The following SCARA3 variants were observed in gnomAD, a reference collection of about 807,000 sequenced individuals.
SCARA3 encodes scavenger receptor class A member 3.
Under a neutral mutation model 47.0 loss-of-function variants are expected in SCARA3, and 39 were observed. The observed-to-expected ratio is 0.83, with a 90% CI of 0.64 to 1.08. SCARA3 has a LOEUF of 1.08. Ranked by LOEUF, SCARA3 falls within the 50% of genes least tolerant of loss-of-function variation. The pLI, the probability that SCARA3 is intolerant of heterozygous loss-of-function variation, is 0.00. For missense variants in SCARA3, 724 were observed against 792.3 expected (o/e 0.91, Z 1.04); for synonymous variants, 356 against 334.1 (o/e 1.07, Z -0.71).
rs752930009 is a variant in SCARA3, at chr8:27,656,799, T to C, written c.244T>C (p.Ser82Pro). The C allele has an allele frequency of 6.2e-7, 1 of 1,611,080 alleles. No homozygotes were observed. The highest frequency in any genetic ancestry group is 8.5e-7 in the Non-Finnish European group (1 of 1,177,196). Residue 82 changes from serine (S) to proline (P), a missense_variant, in exon 4 of 6, where the codon TCT (serine) becomes CCT (proline). Coordinates refer to ENST00000301904, the MANE Select transcript of SCARA3 (RefSeq NM_016240.3). ...CCCTACAGTTTTCAGAAAAGTGGAC[T>C]CTCTCTCCGAAGACATCTCCTTGAC... is the stretch of plus-strand genomic sequence containing the variant. ...LASLVFRKVD[S>P]LSEDISLTQS...
rs1802156223 is a variant in SCARA3 at position 27,671,510 on chromosome 8, C to T, written c.*159C>T. ...GCAGCTTTGGGCTCCCCCATAGTGA[C>T]TGTGCCATAGGAAAGCAGCCCCTCC... On this transcript the variant is annotated 3_prime_UTR_variant, in exon 6 of 6. Transcript: ENST00000301904. The T allele has an allele frequency of 1.5e-6, 2 of 1,291,582 alleles. No individual in the cohort carries two copies. Among genetic ancestry groups the T allele is most frequent in the Non-Finnish European group, 9.8e-7 (1 of 1,025,060 alleles). 80.0% of individuals were successfully genotyped at this position (1,291,582 alleles called of 1,614,324 possible).
chr8:27,652,864 A>G (rs2128918985), intron 3 of SCARA3, among the ~76,000 whole-genome samples: 1 of 152,290 alleles, frequency 6.6e-6, no homozygotes, highest in South Asian at 2.1e-4. Flanking sequence ...CAGATGAATT[A>G]AATCATCATC....
chr8:27,727,915 G>C, the SCARA3 span, among the ~76,000 whole-genome samples: 2 of 152,154 alleles, frequency 1.3e-5, no homozygotes, highest in African/African-American at 2.4e-5. Context: ...GGGAATCCAC[G>C]GGCCCAGGAA....
intron 1 of SCARA3, among the ~76,000 whole-genome samples, chr8:27,643,195 G>A (rs1200902361): frequency 5.9e-5 from 9 of 152,186 alleles, no homozygotes; most frequent in African/African-American, 1.9e-4. Flanking sequence ...AAAAGTTGAG[G>A]GCAAGAAAGT....
the SCARA3 span, among the ~76,000 whole-genome samples, chr8:27,732,437 T>C: frequency 6.6e-6 from 1 of 152,186 alleles, no homozygotes; most frequent in East Asian, 1.9e-4. Flanking sequence ...ACCGCTAAGG[T>C]AGAAAGCTCA....
the SCARA3 span, among the ~76,000 whole-genome samples, chr8:27,725,371 A>ATTT: frequency 6.7e-6 from 1 of 149,664 alleles, no homozygotes; most frequent in East Asian, 1.9e-4. Flanking sequence ...TATAACATAT[A>ATTT]ATATTTATAT....
At chr8:27,681,632 G>C (rs1035270329), downstream of SCARA3, among the ~76,000 whole-genome samples, 1 of 152,084 alleles carries the variant, frequency 6.6e-6, no homozygotes, top group Non-Finnish European at 1.5e-5. Flanking sequence ...TGAGACAAGA[G>C]GATTGCTTGA....
At chr8:27,673,318 T>C (rs1415696052), downstream of SCARA3, among the ~76,000 whole-genome samples, 2 of 152,216 alleles carry the variant, frequency 1.3e-5, no homozygotes, top group Admixed American at 6.5e-5. Context: ...GGCCTGGACA[T>C]GTGAGTGATA....
chr8:27,653,382 A>G (rs1472360368), intron 3 of SCARA3, among the ~76,000 whole-genome samples: 1 of 152,200 alleles, frequency 6.6e-6, no homozygotes, highest in Non-Finnish European at 1.5e-5. Context: ...GAGTGAATGG[A>G]CAGAGGATCA....
chr8:27,707,389 T>G, the SCARA3 span, among the ~76,000 whole-genome samples: 23 of 152,152 alleles, frequency 1.5e-4, no homozygotes, highest in African/African-American at 5.3e-4. Flanking sequence ...CAGTCTGATA[T>G]GGTCAGAGAA....
the SCARA3 span, among the ~76,000 whole-genome samples, chr8:27,712,636 G>A: frequency 6.6e-6 from 1 of 151,244 alleles, no homozygotes; most frequent in South Asian, 2.1e-4. Context: ...GCACTGAATG[G>A]TATTCTTCTG....
chr8:27,713,696 C>T, the SCARA3 span, among the ~76,000 whole-genome samples: 3 of 152,182 alleles, frequency 2.0e-5, no homozygotes, highest in Non-Finnish European at 4.4e-5. Flanking sequence ...CTTTCTGCTG[C>T]TACAAAAAGA....
chr8:27,691,973 A>G, the SCARA3 span, among the ~76,000 whole-genome samples: 8 of 151,974 alleles, frequency 5.3e-5, no homozygotes, highest in Non-Finnish European at 8.8e-5. Flanking sequence ...AAACCCCCCA[A>G]ACAAAGGAAT....
chr8:27,652,305 A>T (rs1801650008), intron 3 of SCARA3, among the ~76,000 whole-genome samples: 1 of 152,220 alleles, frequency 6.6e-6, no homozygotes, highest in Non-Finnish European at 1.5e-5. Context: ...TGCCTTCCAG[A>T]TGCTGACAGA....
At position 27,651,599 on chromosome 8, in the gene SCARA3, G is replaced by C; in HGVS notation, c.198G>C (p.Leu66=). ...TTTACCTCTTCCTGGCCCTGCTCCT[G>C]GTGGCCGTGGCTGTGTTGGCCTCTC... The part of the protein sequence containing the change: ...RILYLFLALL[L]VAVAVLASLV... Residue 66 remains leucine (L), a synonymous_variant, in exon 3 of 6, where the codon CTG becomes CTC. Transcript: ENST00000301904. The C allele has an allele frequency of 6.2e-7, 1 of 1,614,074 alleles. No homozygotes were observed. The highest frequency in any genetic ancestry group is 8.5e-7 in the Non-Finnish European group (1 of 1,180,012).
At chr8:27,702,268 A>C in the SCARA3 span, 1 of 152,216 alleles carries the variant, frequency 6.6e-6, no homozygotes, top group South Asian at 2.1e-4. Flanking sequence ...CCAGGGCTCC[A>C]TCTCCAGGAA....
chr8:27,677,664 G>A (rs955830302), downstream of SCARA3, among the ~76,000 whole-genome samples: 5 of 152,162 alleles, frequency 3.3e-5, no homozygotes, highest in African/African-American at 1.2e-4. Flanking sequence ...AAATCAGTAA[G>A]GATATAGAAG....
At chr8:27,685,213 A>G in the SCARA3 span, among the ~76,000 whole-genome samples, 1 of 152,226 alleles carries the variant, frequency 6.6e-6, no homozygotes, top group Non-Finnish European at 1.5e-5. Flanking sequence ...AGATGAAACA[A>G]ACAAATTCAT....
the SCARA3 span, among the ~76,000 whole-genome samples, chr8:27,700,627 A>C: frequency 2.1e-5 from 3 of 144,754 alleles, no homozygotes; most frequent in East Asian, 2.0e-4. Flanking sequence ...AAAAAAAAAA[A>C]GATGAAAGAC....
Sources: gnomAD v4.1 joint callset for allele counts (sites outside exome capture counted in the v4.1 genomes callset) on GRCh38, gnomAD v4.1.1 for gene constraint, MANE v1.5 for transcripts, NCBI Gene and HGNC (gene_info 2026-07-23, HGNC 2026-07-21) for gene names.